TKTL1: variants seen among roughly 807,000 people sequenced by gnomAD.
TKTL1 encodes transketolase like 1, also known as transketolase-like protein 1.
In TKTL1, 1 loss-of-function variant was observed where a neutral mutation model predicts 39.3. That is an observed-to-expected ratio of 0.03 (90% CI 0.01 to 0.12). TKTL1 has a LOEUF of 0.12. Among genes scored for constraint, TKTL1 ranks in the 10% least tolerant of loss-of-function variants. TKTL1 has a pLI of 1.00. For missense variants in TKTL1, 575 were observed against 509.6 expected (o/e 1.13, Z -1.24); for synonymous variants, 262 against 193.8 (o/e 1.35, Z -2.92).
At chrX:154,314,703 T>C (rs2067384026) in intron 6 of TKTL1, among the ~76,000 whole-genome samples, 1 of 110,939 alleles carries the variant, frequency 9.0e-6, no homozygotes, top group Non-Finnish European at 1.9e-5. Flanking sequence ...TTTTGTATTT[T>C]TAGTAGAGAC....
intron 6 of TKTL1, among the ~76,000 whole-genome samples, chrX:154,313,265 C>A: frequency 8.9e-6 from 1 of 112,644 alleles, no homozygotes; most frequent in South Asian, 3.6e-4. Context: ...GCTAAGAAGA[C>A]TGGCCCCAGG....
chrX:154,300,303 G>A (rs1162890523), intron 1 of TKTL1, among the ~76,000 whole-genome samples: 2 of 112,248 alleles, frequency 1.8e-5, no homozygotes, highest in Non-Finnish European at 3.8e-5. Context: ...GTGAGCCACC[G>A]TGCCCAGCCC....
rs2067296807 is a variant in TKTL1 at position 154,304,128 on chromosome X, C to A, written c.135-1176C>A. ...GAGAGGAAGAAGAGATTTCCAATTA[C>A]TTCCTTCTCGGTCCCTTCTCCACTG... On this transcript the variant is annotated intron_variant, in intron 1 of 12. Transcript: ENST00000369915. Among the ~76,000 whole-genome samples, 3 of 110,472 alleles carry A rather than the reference C, an allele frequency of 2.7e-5. No homozygotes were observed. In the South Asian group the frequency reaches 1.2e-3, roughly 43 times the overall value.
chrX:154,296,154 C>T (rs1557164431), intron 1 of TKTL1, among the ~76,000 whole-genome samples, 161 bp downstream of exon 1: 1 of 111,334 alleles, frequency 9.0e-6, no homozygotes, highest in Non-Finnish European at 1.9e-5. Flanking sequence ...GTCGAGCACC[C>T]TAGATGGCAG....
Position 154,310,963 on chromosome X carries a change from C to T in TKTL1, c.478C>T (p.His160Tyr). 4 of 1,212,068 alleles carry T rather than the reference C, an allele frequency of 3.3e-6. No homozygotes were observed. The highest frequency in any genetic ancestry group is 4.5e-6 in the Non-Finnish European group (4 of 895,585). The stretch of plus-strand genomic sequence containing the variant: ...AATCTTTGATGTGAACCGCCTGGGA[C>T]ACAGTGGTGCATTGCCCGCCGAGCA... ...VAIFDVNRLG[H>Y]SGALPAEHCI... is the part of the protein sequence containing the mutation. The change falls in exon 4 of 13, where the codon CAC becomes TAC. Residue 160 changes from histidine (H) to tyrosine (Y), a missense_variant. Transcript: ENST00000369915.
chrX:154,296,672 A>G (rs782430903), intron 1 of TKTL1, among the ~76,000 whole-genome samples: 1 of 111,144 alleles, frequency 9.0e-6, no homozygotes, highest in Non-Finnish European at 1.9e-5. Context: ...TTTTGGTATC[A>G]AAGTGTAATG....
At chrX:154,297,319 G>A (rs1277519619) in intron 1 of TKTL1, among the ~76,000 whole-genome samples, 6 of 109,828 alleles carry the variant, frequency 5.5e-5, no homozygotes, top group African/African-American at 1.7e-4. Context: ...GCAGTGGCAC[G>A]ATTTTGGCTC....
chrX:154,305,067 C>G, intron 1 of TKTL1: 7 of 1,127,627 alleles, frequency 6.2e-6, no homozygotes, highest in Non-Finnish European at 7.1e-6. Context: ...AAACTTGCCC[C>G]GAGTCCACGG....
At chrX:154,321,494 TGGG>T (rs202210445) in intron 8 of TKTL1, among the ~76,000 whole-genome samples, 3 of 15,066 alleles carry the variant, frequency 2.0e-4, no homozygotes, top group Non-Finnish European at 3.6e-4. Context: ...TGCAAGGTGG[TGGG>T]GGAGAAAACC....
intron 1 of TKTL1, among the ~76,000 whole-genome samples, chrX:154,297,813 T>G (rs1557164986): frequency 9.0e-6 from 1 of 111,362 alleles, no homozygotes; most frequent in African/African-American, 3.3e-5. Flanking sequence ...GGCACGTGCC[T>G]GTAGTCCCAG....
At position 154,295,934 on chromosome X, in the gene TKTL1, A is replaced by G. The variant is rs781854800; in HGVS notation, c.75A>G (p.Gln25=). The G allele has an allele frequency of 1.7e-6, 2 of 1,211,739 alleles. No homozygotes were observed. Among genetic ancestry groups the G allele is most frequent in the Middle Eastern group, 2.3e-4 (1 of 4,352 alleles). The change falls in exon 1 of 13, where the codon CAA becomes CAG. Residue 25 remains glutamine (Q), a synonymous_variant. Transcript: ENST00000369915. The part of the protein sequence containing the change: ...RPDRGTLQVL[Q]DMASRLRIHS... The stretch of plus-strand genomic sequence containing the variant: ...ACAGGGGCACCTTGCAGGTGTTGCA[A>G]GATATGGCCAGCCGCTTGCGAATCC...
rs879972065 is a variant in TKTL1 at position 154,323,473 on chromosome X, A to G, written c.1317+136A>G. On this transcript the variant is annotated intron_variant, in intron 9 of 12. Transcript: ENST00000369915. ...AAAATTTGGTGATAGAATTCTTTACAAAAAAAACAGGAGATTATGCACACA... is the reference window on the plus strand; with the variant it reads ...AAAATTTGGTGATAGAATTCTTTACGAAAAAAACAGGAGATTATGCACACA... 5.4e-6 allele frequency: 4 copies of G among 742,794 alleles called. No homozygotes were observed. The South Asian group carries it at 8.3e-5, about 15-fold the overall frequency. The allele number at this position is 742,794 out of a possible 1,213,427, so 61.2% of individuals were successfully genotyped here. A position where few individuals can be genotyped will look rare whatever the true frequency, so the allele number is the denominator to read the frequency against.
Position 154,309,416 on chromosome X carries a change from T to C in TKTL1, c.324T>C (p.Tyr108=). The change falls in exon 3 of 13, where the codon TAT becomes TAC. Residue 108 remains tyrosine, a synonymous_variant. Coordinates refer to ENST00000369915, the MANE Select transcript of TKTL1 (RefSeq NM_012253.4). ...QGLGVACGMA[Y]TGKYFDRASY... Reference sequence around the variant, plus strand: ...TGGGAGTTGCATGTGGAATGGCATATACTGGCAAGTACTTCGACAGGGCCA... The same window carrying C: ...TGGGAGTTGCATGTGGAATGGCATACACTGGCAAGTACTTCGACAGGGCCA... The C allele has an allele frequency of 1.7e-6, 2 of 1,209,899 alleles. No homozygotes were observed. Among genetic ancestry groups the C allele is most frequent in the Non-Finnish European group, 1.1e-6 (1 of 894,317 alleles).
At position 154,320,822 on chromosome X, in the gene TKTL1, C is replaced by A. The variant is rs371448880; in HGVS notation, c.1095C>A (p.Ala365=). ...RTIAFASTFA[A]FLTRAFDHIR... Reference sequence around the variant, plus strand: ...TTGCTTTTGCTAGCACCTTTGCTGCCTTTCTGACTCGAGCATTTGATCACA... The same window carrying A: ...TTGCTTTTGCTAGCACCTTTGCTGCATTTCTGACTCGAGCATTTGATCACA... The change falls in exon 8 of 13, where the codon GCC becomes GCA. Residue 365 remains alanine, a synonymous_variant. Transcript: ENST00000369915. 8.3e-7 allele frequency: 1 copy of A among 1,209,405 alleles called. No individual in the cohort carries two copies. Among genetic ancestry groups the A allele is most frequent in the Admixed American group, 2.2e-5 (1 of 45,797 alleles).
rs2067465595 is a variant in TKTL1 at position 154,323,208 on chromosome X, T to C, written c.1188T>C (p.Gly396=). ...TTCATCGGGCTCTGGTTCTCTCAGG[T>C]GACGATGGTGCTTCCCAGATGGCCC... ...IIGSHCGVSV[G]DDGASQMALE... is the part of the protein sequence containing the mutation. The change falls in exon 9 of 13, where the codon GGT becomes GGC. Residue 396 remains glycine (G), a splice_region_variant and synonymous_variant. Transcript: ENST00000369915. 8.3e-7 allele frequency: 1 copy of C among 1,208,345 alleles called. No individual in the cohort carries two copies. The highest frequency in any genetic ancestry group is 1.1e-6 in the Non-Finnish European group (1 of 894,640).
chrX:154,315,420 T>C (rs2067391729), intron 7 of TKTL1, 83 bp downstream of exon 7: 2 of 1,008,802 alleles, frequency 2.0e-6, no homozygotes, highest in East Asian at 3.1e-5. Flanking sequence ...AGTTTTTCTT[T>C]CCATTTATGA....
intron 1 of TKTL1, among the ~76,000 whole-genome samples, chrX:154,300,988 G>A (rs781936497): frequency 7.5e-4 from 82 of 109,819 alleles, no homozygotes; most frequent in Non-Finnish European, 1.3e-3. Context: ...AGCCAACCGC[G>A]CCTGGCCTAG....
intron 5 of TKTL1, among the ~76,000 whole-genome samples, chrX:154,311,521 T>TA (rs781836731): frequency 1.5e-4 from 17 of 111,599 alleles, no homozygotes; most frequent in Non-Finnish European, 2.8e-4. Context: ...GAACAATCTC[T>TA]ACGGTTAGTA....
intron 3 of TKTL1, among the ~76,000 whole-genome samples, chrX:154,310,367 G>A (rs140208215): frequency 0.018 from 2,032 of 111,882 alleles, 27 homozygotes; most frequent in African/African-American, 0.052. Context: ...CCCGGGAGGT[G>A]GAGGTTGCAG....
Sources: allele counts gnomAD v4.1 joint callset (sites outside exome capture counted in the v4.1 genomes callset), GRCh38; gene constraint gnomAD v4.1.1; transcripts MANE v1.5; gene names NCBI Gene and HGNC (gene_info 2026-07-23, HGNC 2026-07-21).